GJB7: variants seen among roughly 807,000 people sequenced by gnomAD.
GJB7 encodes the protein gap junction beta-7 protein.
For missense variants in GJB7, 253 were observed against 256.8 expected, an observed-to-expected ratio of 0.99 and a Z score of 0.10; for synonymous variants, 87 against 95.2, an observed-to-expected ratio of 0.91 and a Z score of 0.50.
chr6:87,320,235 G>GATT (rs1209056410), intron 2 of GJB7, among the ~76,000 whole-genome samples: 1 of 152,124 alleles, frequency 6.6e-6, no homozygotes, highest in Non-Finnish European at 1.5e-5. Flanking sequence ...ACCCTGATGT[G>GATT]ATTATTATTC....
intron 2 of GJB7, among the ~76,000 whole-genome samples, chr6:87,315,795 C>CAAAAAAAAAAAAA (rs1161194601): frequency 5.5e-5 from 4 of 72,300 alleles, no homozygotes; most frequent in Non-Finnish European, 9.2e-5. Context: ...GACTCTATCT[C>CAAAAAAAAAAAAA]AAAAAAAAAA....
chr6:87,314,555 G>T (rs1004864220), intron 2 of GJB7, among the ~76,000 whole-genome samples: 6 of 152,170 alleles, frequency 3.9e-5, no homozygotes, highest in Non-Finnish European at 8.8e-5. Flanking sequence ...TTTAGGACAT[G>T]GATAGAGGCT....
intron 2 of GJB7, among the ~76,000 whole-genome samples, chr6:87,314,513 C>G (rs1582567012): frequency 1.3e-5 from 2 of 152,172 alleles, no homozygotes; most frequent in Admixed American, 6.5e-5. Flanking sequence ...TTTCTGTAAC[C>G]CTGGGTGCTG....
chr6:87,328,572 G>C (rs909825062), intron 1 of GJB7, among the ~76,000 whole-genome samples: 1 of 152,172 alleles, frequency 6.6e-6, no homozygotes, highest in South Asian at 2.1e-4. Context: ...TCGGGGGTCA[G>C]GGGTCAGGGA....
rs1306473274 is a variant in GJB7, at chr6:87,284,774, C to T, written c.139G>A (p.Glu47Lys). ...MVAAEHVWKD[E>K]QKEFECNSRQ... The stretch of plus-strand genomic sequence containing the variant: ...CTGTTGCACTCAAACTCTTTCTGCT[C>T]ATCTTTCCACACGTGCTCTGCTGCC... The change falls in exon 3 of 3, where the codon GAG (glutamate) becomes AAG (lysine). Residue 47 changes from glutamate to lysine, a missense_variant. By Grantham distance (56) the Glu-to-Lys change is moderately conservative. Coordinates refer to ENST00000525899, the MANE Select transcript of GJB7 (RefSeq NM_198568.3). 1 of 1,614,088 alleles carries T rather than the reference C, an allele frequency of 6.2e-7. No homozygotes were observed. Among genetic ancestry groups the T allele is most frequent in the South Asian group, 1.1e-5 (1 of 91,074 alleles).
chr6:87,314,725 A>T (rs1776557145), intron 2 of GJB7, among the ~76,000 whole-genome samples: 1 of 152,094 alleles, frequency 6.6e-6, no homozygotes, highest in African/African-American at 2.4e-5. Flanking sequence ...TCCTTACTTA[A>T]CATCTCCCTA....
chr6:87,316,740 TA>T (rs969243392), intron 2 of GJB7, among the ~76,000 whole-genome samples: 1 of 152,230 alleles, frequency 6.6e-6, no homozygotes, highest in Non-Finnish European at 1.5e-5. Flanking sequence ...ACTCATTCCC[TA>T]AACGTGGATG....
intron 2 of GJB7, among the ~76,000 whole-genome samples, chr6:87,290,954 A>G (rs894042449): frequency 3.3e-5 from 5 of 152,234 alleles, no homozygotes; most frequent in African/African-American, 1.2e-4. Context: ...GAAACAACAC[A>G]TAACGGGTAT....
At chr6:87,298,981 A>C (rs1776283951) in intron 2 of GJB7, 1 of 467,212 alleles carries the variant, frequency 2.1e-6, no homozygotes, top group South Asian at 1.7e-5. Flanking sequence ...AAGTAACAAA[A>C]GATGGTGTGA....
At chr6:87,321,308 C>G (rs563947256) in intron 2 of GJB7, among the ~76,000 whole-genome samples, 2 of 151,358 alleles carry the variant, frequency 1.3e-5, no homozygotes, top group African/African-American at 4.9e-5. Context: ...GACAGCTTTG[C>G]GAGGCCATTT....
At chr6:87,303,346 T>C (rs1381449345) in intron 2 of GJB7, among the ~76,000 whole-genome samples, 1 of 151,044 alleles carries the variant, frequency 6.6e-6, no homozygotes, top group Non-Finnish European at 1.5e-5. Context: ...ACCAAGCAAA[T>C]GGAAAGCAAA....
chr6:87,303,983 C>A (rs978447220), intron 2 of GJB7, among the ~76,000 whole-genome samples: 1 of 152,060 alleles, frequency 6.6e-6, no homozygotes, highest in Non-Finnish European at 1.5e-5. Context: ...CCCATAAGAA[C>A]AAAGACACAA....
intron 2 of GJB7, chr6:87,298,826 C>A: frequency 2.7e-6 from 1 of 373,538 alleles, no homozygotes; most frequent in Non-Finnish European, 5.4e-6. Context: ...GGGTACTAGC[C>A]CCTTATCTCA....
At chr6:87,303,771 G>A (rs1776375505) in intron 2 of GJB7, among the ~76,000 whole-genome samples, 1 of 152,166 alleles carries the variant, frequency 6.6e-6, no homozygotes, top group Non-Finnish European at 1.5e-5. Flanking sequence ...CCTCATAGTT[G>A]GAAGTAAAGC....
intron 2 of GJB7, among the ~76,000 whole-genome samples, chr6:87,316,622 ATCT>A (rs1029498653): frequency 1.3e-5 from 2 of 152,208 alleles, no homozygotes; most frequent in African/African-American, 4.8e-5. Context: ...TGGGGCATTA[ATCT>A]TCTTAATCAT....
At chr6:87,315,672 T>G (rs539396701) in intron 2 of GJB7, among the ~76,000 whole-genome samples, 7 of 151,716 alleles carry the variant, frequency 4.6e-5, no homozygotes, top group Non-Finnish European at 7.4e-5. Context: ...GGGGTGTGCC[T>G]GTAGTTACTA....
intron 2 of GJB7, among the ~76,000 whole-genome samples, chr6:87,306,618 G>A (rs1173346443): frequency 3.3e-5 from 5 of 152,106 alleles, no homozygotes; most frequent in South Asian, 2.1e-4. Context: ...TCAGTGTGGC[G>A]ATTCCTCAGG....
Position 87,283,968 on chromosome 6 carries a change from A to C in GJB7, c.*273T>G. On this transcript the variant is annotated 3_prime_UTR_variant, in exon 3 of 3. Coordinates refer to ENST00000525899, the MANE Select transcript of GJB7 (RefSeq NM_198568.3). ...ATACTGGAGAACCCTACAACAAAAC[A>C]ATGAGACCTCTGTCTAGAGCTCATA... 2.9e-6 allele frequency: 1 copy of C among 348,180 alleles called. No homozygotes were observed. Among genetic ancestry groups the C allele is most frequent in the Non-Finnish European group, 5.2e-6 (1 of 190,542 alleles). 21.6% of individuals were successfully genotyped at this position (348,180 alleles called of 1,614,324 possible). A position where few individuals can be genotyped will look rare whatever the true frequency, so the allele number is the denominator to read the frequency against.
intron 2 of GJB7, among the ~76,000 whole-genome samples, chr6:87,296,801 G>A (rs1255077264): frequency 1.3e-5 from 2 of 152,096 alleles, no homozygotes; most frequent in Non-Finnish European, 2.9e-5. Context: ...CTCCAAGATC[G>A]TATGTATGAA....
Sources: allele counts gnomAD v4.1 joint callset (sites outside exome capture counted in the v4.1 genomes callset), GRCh38; gene constraint gnomAD v4.1.1; transcripts MANE v1.5; gene names NCBI Gene and HGNC (gene_info 2026-07-23, HGNC 2026-07-21).